The following SMYD3 variants were observed in gnomAD, a reference collection of about 807,000 sequenced individuals.
SMYD3 encodes the protein histone-lysine N-methyltransferase SMYD3.
SMYD3 carries 36 observed loss-of-function variants against 57.7 expected under a neutral mutation model. The observed-to-expected ratio is 0.62, with a 90% CI of 0.48 to 0.82. The LOEUF (loss-of-function observed/expected upper bound fraction) is 0.82, where lower values mean the gene tolerates loss of function less well. SMYD3 is among the 40% of genes least tolerant of loss of function. SMYD3 has a pLI of 0.00. For missense variants in SMYD3, 515 were observed against 538.8 expected, an observed-to-expected ratio of 0.96 and a Z score of 0.44; for synonymous variants, 211 against 195.0, an observed-to-expected ratio of 1.08 and a Z score of -0.68.
intron 5 of SMYD3, among the ~76,000 whole-genome samples, chr1:246,082,526 C>T (rs2060652991): frequency 6.6e-6 from 1 of 152,102 alleles, no homozygotes; most frequent in African/African-American, 2.4e-5. Context: ...GCACACATTC[C>T]CTAGCCCCTT....
chr1:245,820,295 C>A (rs1429427578), intron 10 of SMYD3, among the ~76,000 whole-genome samples: 2 of 151,440 alleles, frequency 1.3e-5, no homozygotes, highest in African/African-American at 4.9e-5. Context: ...AGACAAAAAC[C>A]AAATGACTAT....
At chr1:246,457,192 G>A (rs1338088225) in intron 1 of SMYD3, among the ~76,000 whole-genome samples, 3 of 151,914 alleles carry the variant, frequency 2.0e-5, no homozygotes, top group South Asian at 2.1e-4. Flanking sequence ...TAAATCTTTC[G>A]AGAGGTGAAT....
intron 5 of SMYD3, among the ~76,000 whole-genome samples, chr1:246,082,760 GTTCTGTACTAAGAAAAATTC>G (rs2060657598): frequency 6.6e-6 from 1 of 152,130 alleles, no homozygotes; most frequent in African/African-American, 2.4e-5. Flanking sequence ...ACTCCATTTT[GTTCTGTACTAAGAAAAATTC>G]TTCTGCCTTG....
At chr1:246,114,030 C>A (rs184820129) in intron 5 of SMYD3, among the ~76,000 whole-genome samples, 4 of 152,146 alleles carry the variant, frequency 2.6e-5, no homozygotes, top group African/African-American at 9.7e-5. Flanking sequence ...CTTGGGGAGG[C>A]TGTGCAGTTT....
At chr1:246,406,495 G>GT (rs1356421010) in intron 1 of SMYD3, among the ~76,000 whole-genome samples, 1 of 152,166 alleles carries the variant, frequency 6.6e-6, no homozygotes, top group African/African-American at 2.4e-5. Flanking sequence ...CAGCCTTGTA[G>GT]TTTAATAATT....
At chr1:246,248,406 A>G (rs1489312234) in intron 5 of SMYD3, among the ~76,000 whole-genome samples, 1 of 152,124 alleles carries the variant, frequency 6.6e-6, no homozygotes, top group Admixed American at 6.5e-5. Flanking sequence ...TCATTTCTAA[A>G]CTTGAAATGT....
intron 10 of SMYD3, among the ~76,000 whole-genome samples, chr1:245,779,869 T>C (rs2046761286): frequency 6.6e-6 from 1 of 152,184 alleles, no homozygotes; most frequent in Admixed American, 6.5e-5. Flanking sequence ...TCAAAAGATC[T>C]GACTAGATAT....
At chr1:245,777,113 TG>T (rs1043355889) in intron 10 of SMYD3, among the ~76,000 whole-genome samples, 2 of 152,228 alleles carry the variant, frequency 1.3e-5, no homozygotes, top group African/African-American at 4.8e-5. Context: ...TGAATAGGTC[TG>T]GGAGGTGGGG....
At chr1:246,161,032 C>T (rs546663375) in intron 5 of SMYD3, among the ~76,000 whole-genome samples, 3 of 152,196 alleles carry the variant, frequency 2.0e-5, no homozygotes, top group East Asian at 1.9e-4. Flanking sequence ...ATCAGACAAG[C>T]GAGACGATGC....
chr1:246,020,869 C>T (rs539785615), intron 5 of SMYD3, among the ~76,000 whole-genome samples: 32 of 152,272 alleles, frequency 2.1e-4, no homozygotes, highest in Non-Finnish European at 4.3e-4. Context: ...CAACTTTTAA[C>T]GTGACTGAAT....
Position 246,395,726 on chromosome 1 carries a change from A to ACGGCT in SMYD3, c.165-40633_165-40632insAGCCG, listed in dbSNP as rs398069704. Among the ~76,000 whole-genome samples, 6 of 95,544 alleles carry ACGGCT rather than the reference A, an allele frequency of 6.3e-5. No homozygotes were observed. The East Asian group carries it at 1.2e-3, about 19-fold the overall frequency. 62.7% of individuals were successfully genotyped at this position (95,544 alleles called of 152,430 possible). Reference sequence around the variant, plus strand: ...GCTGGACAGGGAAGACGAACACACCAGTCAGACAGGGAAGACGAACCCACC... The same window carrying ACGGCT: ...GCTGGACAGGGAAGACGAACACACCACGGCTGTCAGACAGGGAAGACGAACCCACC... On this transcript the variant is annotated intron_variant, in intron 1 of 11. Transcript: ENST00000490107.
intron 5 of SMYD3, among the ~76,000 whole-genome samples, chr1:246,130,367 A>C (rs1032139774): frequency 1.3e-5 from 2 of 152,148 alleles, no homozygotes; most frequent in African/African-American, 4.8e-5. Flanking sequence ...TATGTCTCCC[A>C]AAAACCAAAA....
At chr1:245,994,175 A>G (rs1203624451) in intron 5 of SMYD3, among the ~76,000 whole-genome samples, 2 of 152,198 alleles carry the variant, frequency 1.3e-5, no homozygotes, top group Non-Finnish European at 2.9e-5. Flanking sequence ...TTCCCAAGTC[A>G]CATTAAGTAG....
At chr1:246,041,097 T>C (rs1370458232) in intron 5 of SMYD3, among the ~76,000 whole-genome samples, 1 of 152,198 alleles carries the variant, frequency 6.6e-6, no homozygotes. Flanking sequence ...TAAAATTGCC[T>C]CAGCATTCAG....
rs545839696 is a variant in SMYD3 at position 246,188,854 on chromosome 1, G to C, written c.531+138347C>G. The stretch of plus-strand genomic sequence containing the variant: ...TGCACATTTGTGGTCCCAGCTACTC[G>C]GGAGGCTAGTGAGGAGGATCACTGG... On this transcript the variant is annotated intron_variant, in intron 5 of 11. Transcript: ENST00000490107. Among the ~76,000 whole-genome samples, 16 of 151,958 alleles carry C rather than the reference G, an allele frequency of 1.1e-4. No individual in the cohort carries two copies. In the South Asian group the frequency reaches 2.7e-3, roughly 26 times the overall value.
At chr1:246,374,824 G>A (rs2066246563) in intron 1 of SMYD3, among the ~76,000 whole-genome samples, 2 of 150,362 alleles carry the variant, frequency 1.3e-5, no homozygotes, top group African/African-American at 4.9e-5. Flanking sequence ...CAGGCGCCGT[G>A]GCTCACGTCT....
At chr1:246,194,262 G>C (rs1418066884) in intron 5 of SMYD3, among the ~76,000 whole-genome samples, 1 of 151,098 alleles carries the variant, frequency 6.6e-6, no homozygotes, top group South Asian at 2.1e-4. Flanking sequence ...AGTTCTTGTG[G>C]GGTTTTTTTG....
intron 5 of SMYD3, among the ~76,000 whole-genome samples, chr1:245,979,609 T>C (rs558609141): frequency 6.6e-5 from 10 of 152,226 alleles, no homozygotes; most frequent in African/African-American, 2.4e-4. Context: ...AACGGAACAG[T>C]CTGCCTCAGA....
intron 1 of SMYD3, among the ~76,000 whole-genome samples, chr1:246,378,612 G>A (rs776959246): frequency 1.6e-4 from 23 of 141,360 alleles, no homozygotes; most frequent in Non-Finnish European, 2.7e-4. Context: ...TTGTGATTGT[G>A]TGAGTTAATA....
Sources: gnomAD v4.1 joint callset for allele counts (sites outside exome capture counted in the v4.1 genomes callset) on GRCh38, gnomAD v4.1.1 for gene constraint, MANE v1.5 for transcripts, NCBI Gene and HGNC (gene_info 2026-07-23, HGNC 2026-07-21) for gene names.